The following ETF1 variants were observed in gnomAD, a reference collection of about 807,000 sequenced individuals.
The protein encoded by ETF1 is eukaryotic peptide chain release factor subunit 1.
A neutral mutation model predicts 55.1 loss-of-function variants in ETF1; 4 were observed. That is an observed-to-expected ratio of 0.07 (90% CI 0.04 to 0.17). The LOEUF is 0.17. Among genes scored for constraint, ETF1 ranks in the 10% least tolerant of loss-of-function variants. The probability of loss-of-function intolerance (pLI) is 1.00; values close to 1 mark genes in which losing one functional copy is unlikely to be tolerated. For synonymous variants in ETF1, 157 were observed against 182.3 expected (o/e 0.86, Z 1.12); for missense variants, 142 against 523.6 (o/e 0.27, Z 7.11).
At chr5:138,534,855 T>TG (rs1765848448) in intron 2 of ETF1, among the ~76,000 whole-genome samples, 1 of 152,326 alleles carries the variant, frequency 6.6e-6, no homozygotes, top group Middle Eastern at 3.4e-3. Context: ...TGTATGTACT[T>TG]TAATTTCTTC....
In ETF1 at chr5:138,543,199, C is replaced by G; in HGVS notation, c.-121G>C. The G allele has an allele frequency of 1.8e-6, 1 of 542,390 alleles. No individual in the cohort carries two copies. The highest frequency in any genetic ancestry group is 3.3e-6 in the Non-Finnish European group (1 of 306,318). 33.6% of individuals were successfully genotyped at this position (542,390 alleles called of 1,614,324 possible). The stretch of plus-strand genomic sequence containing the variant: ...ACACCGGCTCCCTCTCTCCAGGCAG[C>G]TGCATGTGTTGCAATCCGCTCACAT... On this transcript the variant is annotated 5_prime_UTR_variant, in exon 1 of 11. Transcript: ENST00000360541.
At chr5:138,515,599 C>A (rs1764984835) in intron 4 of ETF1, among the ~76,000 whole-genome samples, 1 of 152,022 alleles carries the variant, frequency 6.6e-6, no homozygotes, top group Admixed American at 6.6e-5. Context: ...AGGATATAAC[C>A]CTCTCAGTTA....
chr5:138,542,737 C>A (rs1323952833), intron 2 of ETF1, 96 bp downstream of exon 2: 3 of 1,551,930 alleles, frequency 1.9e-6, no homozygotes, highest in Non-Finnish European at 2.6e-6. Flanking sequence ...TTGGCTAGTG[C>A]CTGGTTCTCC....
At position 138,508,311 on chromosome 5, in the gene ETF1, G is replaced by C. The variant is rs765833712; in HGVS notation, c.1308C>G (p.Asp436Glu). The change falls in exon 11 of 11, where the codon GAC (aspartate) becomes GAG (glutamate). Residue 436 changes from aspartate (D) to glutamate (E), a missense_variant. Transcript: ENST00000360541. ...CCGGACCCATGTCGACTACCTAGTA[G>C]TCATCAAGGTCAAAAAATTCATCGT... Reference protein sequence around the residue: ...GGDDEFFDLDDY With the variant: ...GGDDEFFDLDEY The C allele has an allele frequency of 4.3e-6, 7 of 1,613,684 alleles. No homozygotes were observed. The Admixed American group carries it at 1.2e-4, about 27-fold the overall frequency.
chr5:138,528,421 T>C (rs568652580), intron 2 of ETF1, among the ~76,000 whole-genome samples: 2 of 152,360 alleles, frequency 1.3e-5, no homozygotes, highest in East Asian at 3.8e-4. Context: ...GCAACCCTAC[T>C]GTATAGCCCA....
chr5:138,537,892 ATTATTT>A (rs1235636397), intron 2 of ETF1, among the ~76,000 whole-genome samples: 1 of 125,598 alleles, frequency 8.0e-6, no homozygotes, highest in African/African-American at 3.0e-5. Context: ...TATTATTATT[ATTATTT>A]TTTTTTTTTC....
At chr5:138,521,261 G>A (rs142110112) in intron 2 of ETF1, among the ~76,000 whole-genome samples, 246 of 152,260 alleles carry the variant, frequency 1.6e-3, no homozygotes, top group Middle Eastern at 6.8e-3. Context: ...CTTACATGAG[G>A]TAACCTAGAA....
chr5:138,512,836 A>G lies in ETF1; in HGVS notation c.660T>C (p.Asn220=). The change falls in exon 6 of 11, where the codon AAT becomes AAC. Residue 220 remains asparagine, a synonymous_variant. Transcript: ENST00000360541. ...VQLFISGDKV[N]VAGLVLAGSA... ...ATCCAGCTAAAACTAGACCAGCCACATTCACTTTGTCCCCAGAAATAAACA... is the reference window on the plus strand; with the variant it reads ...ATCCAGCTAAAACTAGACCAGCCACGTTCACTTTGTCCCCAGAAATAAACA... 1 of 1,601,344 alleles carries G rather than the reference A, an allele frequency of 6.2e-7. No homozygotes were observed. Among genetic ancestry groups the G allele is most frequent in the Non-Finnish European group, 8.5e-7 (1 of 1,175,652 alleles).
At chr5:138,528,829 G>GATGTTTTGT (rs1765580297) in intron 2 of ETF1, among the ~76,000 whole-genome samples, 1 of 152,064 alleles carries the variant, frequency 6.6e-6, no homozygotes, top group African/African-American at 2.4e-5. Context: ...AATAACTTCT[G>GATGTTTTGT]ATGTTTTGTA....
intron 6 of ETF1, among the ~76,000 whole-genome samples, chr5:138,512,244 ATATATATATATATATTTTT>A (rs1764833199): frequency 1.4e-4 from 1 of 7,294 alleles, no homozygotes; most frequent in African/African-American, 3.4e-4. Context: ...ATATATATAT[ATATATATATATATATTTTT>A]TTTTTTTTTT....
intron 2 of ETF1, among the ~76,000 whole-genome samples, chr5:138,531,009 G>A (rs1741112067): frequency 6.6e-6 from 1 of 152,200 alleles, no homozygotes. Context: ...ACCCAGAGCA[G>A]TTGCTTGCTG....
intron 2 of ETF1, among the ~76,000 whole-genome samples, chr5:138,524,918 T>G (rs1765404320): frequency 6.6e-6 from 1 of 151,838 alleles, no homozygotes; most frequent in Admixed American, 6.6e-5. Context: ...TTCCCTTTTT[T>G]TTTCTTTTTT....
At chr5:138,531,652 G>T (rs1487480270) in intron 2 of ETF1, among the ~76,000 whole-genome samples, 1 of 152,142 alleles carries the variant, frequency 6.6e-6, no homozygotes, top group Non-Finnish European at 1.5e-5. Context: ...TTCATCCCAG[G>T]GTTTGATGGC....
At chr5:138,542,731 C>T in intron 2 of ETF1, 102 bp downstream of exon 2, 2 of 1,542,886 alleles carry the variant, frequency 1.3e-6, no homozygotes, top group Non-Finnish European at 1.7e-6. Context: ...CGGGAGTTGG[C>T]TAGTGCCTGG....
intron 2 of ETF1, among the ~76,000 whole-genome samples, chr5:138,531,915 C>T (rs1435556986): frequency 2.0e-5 from 3 of 152,106 alleles, no homozygotes; most frequent in African/African-American, 4.8e-5. Context: ...GGCGTGGTGG[C>T]GGGCGCCTAT....
intron 2 of ETF1, among the ~76,000 whole-genome samples, chr5:138,538,694 C>T (rs1009429011): frequency 6.6e-6 from 1 of 152,036 alleles, no homozygotes; most frequent in Non-Finnish European, 1.5e-5. Flanking sequence ...ATGTGAAATT[C>T]AGTGCTTTGA....
intron 2 of ETF1, among the ~76,000 whole-genome samples, chr5:138,532,625 T>G (rs988354373): frequency 6.6e-6 from 1 of 152,240 alleles, no homozygotes; most frequent in Non-Finnish European, 1.5e-5. Context: ...ATTTGAATCC[T>G]GTTAGGTCCT....
At chr5:138,538,016 C>G (rs1426758773) in intron 2 of ETF1, among the ~76,000 whole-genome samples, 1 of 139,352 alleles carries the variant, frequency 7.2e-6, no homozygotes, top group Non-Finnish European at 1.6e-5. Context: ...CCTCAGCCTC[C>G]CTAGTAGCTG....
At chr5:138,522,068 T>C (rs945751578) in intron 2 of ETF1, among the ~76,000 whole-genome samples, 5 of 152,320 alleles carry the variant, frequency 3.3e-5, no homozygotes, top group African/African-American at 1.2e-4. Flanking sequence ...TAAAAACTTT[T>C]AGGCTGCTCT....
Sources: gnomAD v4.1 joint callset for allele counts (sites outside exome capture counted in the v4.1 genomes callset) on GRCh38, gnomAD v4.1.1 for gene constraint, MANE v1.5 for transcripts, NCBI Gene and HGNC (gene_info 2026-07-23, HGNC 2026-07-21) for gene names.